The following RAP2A variants were observed in gnomAD, a reference collection of about 807,000 sequenced individuals.
RAP2A encodes the protein ras-related protein Rap-2a.
RAP2A carries 5 observed loss-of-function variants against 15.1 expected under a neutral mutation model. The ratio of observed to expected loss-of-function variants is 0.33; its 90% confidence interval spans 0.17 to 0.70. RAP2A has a LOEUF of 0.70. RAP2A is among the 30% of genes least tolerant of loss of function. The probability of loss-of-function intolerance (pLI) is 0.68; values close to 1 mark genes in which losing one functional copy is unlikely to be tolerated. For missense variants in RAP2A, 111 were observed against 240.3 expected, an observed-to-expected ratio of 0.46 and a Z score of 3.56; for synonymous variants, 110 against 99.7, an observed-to-expected ratio of 1.10 and a Z score of -0.62.
intron 1 of RAP2A, among the ~76,000 whole-genome samples, chr13:97,439,352 T>C (rs2066647107): frequency 6.6e-6 from 1 of 152,196 alleles, no homozygotes; most frequent in Non-Finnish European, 1.5e-5. Flanking sequence ...GTTGTGATAA[T>C]CCAGTTTTTA....
intron 1 of RAP2A, among the ~76,000 whole-genome samples, chr13:97,459,890 AG>A: frequency 6.6e-6 from 1 of 152,368 alleles, no homozygotes; most frequent in Admixed American, 6.5e-5. Flanking sequence ...GTAAGTGTCT[AG>A]AATAGTGGCT....
intron 1 of RAP2A, among the ~76,000 whole-genome samples, chr13:97,459,959 G>A (rs1278388170): frequency 6.6e-6 from 1 of 152,194 alleles, no homozygotes; most frequent in Non-Finnish European, 1.5e-5. Flanking sequence ...TGTATTGATT[G>A]TTCGATTGTT....
intron 1 of RAP2A, among the ~76,000 whole-genome samples, chr13:97,446,238 G>C (rs1312268869): frequency 6.6e-6 from 1 of 151,914 alleles, no homozygotes; most frequent in Admixed American, 6.6e-5. Context: ...AAATTTTATG[G>C]TCACTATAGA....
intron 1 of RAP2A, chr13:97,435,903 G>T (rs899826264): frequency 6.6e-6 from 1 of 152,076 alleles, no homozygotes; most frequent in Non-Finnish European, 1.5e-5. Context: ...TAAGTGCACC[G>T]TAGACACAGT....
rs138112390 is a variant in RAP2A at position 97,457,933 on chromosome 13, C to T, written c.315-6272C>T. Among the ~76,000 whole-genome samples, 19 of 152,162 alleles carry T rather than the reference C, an allele frequency of 1.2e-4. No homozygotes were observed. The East Asian group carries it at 2.7e-3, about 22-fold the overall frequency. ...TTCTACATTCTAAAGGGTAAAAGAA[C>T]TAGAATCTATGAGAAGAAGGGGCAG... On this transcript the variant is annotated intron_variant, in intron 1 of 1. Coordinates refer to ENST00000245304, the MANE Select transcript of RAP2A (RefSeq NM_021033.7).
In RAP2A at chr13:97,452,779, TA is replaced by T. The variant is rs755701057; in HGVS notation, c.315-11425del. ...TGCATCTTCCAGTAAGTAAATGTTA[TA>T]TATCTTTCATTTTATTTAGATATTT... On this transcript the variant is annotated intron_variant, in intron 1 of 1. Transcript: ENST00000245304. 3.2e-4 allele frequency among the ~76,000 whole-genome samples: 49 copies of T among 151,576 alleles called. 1 individual carries two copies. Among genetic ancestry groups the T allele is most frequent in the Admixed American group, 9.9e-4 (15 of 15,228 alleles).
rs1361701983 is a variant in RAP2A at position 97,467,829 on chromosome 13, C to T, written c.*3387C>T. The T allele has an allele frequency of 1.3e-5, 2 of 152,570 alleles. No individual in the cohort carries two copies. The highest frequency in any genetic ancestry group is 2.4e-5 in the African/African-American group (1 of 41,440). 9.5% of individuals were successfully genotyped at this position (152,570 alleles called of 1,614,324 possible). On this transcript the variant is annotated 3_prime_UTR_variant, in exon 2 of 2. Transcript: ENST00000245304. Reference sequence around the variant, plus strand: ...CACAGTTAATTGTTGCGCTCTAATACAACTGACCATTTAAAATTGAACAAG... The same window carrying T: ...CACAGTTAATTGTTGCGCTCTAATATAACTGACCATTTAAAATTGAACAAG...
chr13:97,466,949 TAAGAAC>T lies in RAP2A; in HGVS notation c.*2509_*2514del, dbSNP rs1173961656. 2 of 152,282 alleles carry T rather than the reference TAAGAAC, an allele frequency of 1.3e-5. No homozygotes were observed. Among genetic ancestry groups the T allele is most frequent in the African/African-American group, 4.8e-5 (2 of 41,456 alleles). The allele number at this position is 152,282 out of a possible 1,614,324, so 9.4% of individuals were successfully genotyped here. A position where few individuals can be genotyped will look rare whatever the true frequency, so the allele number is the denominator to read the frequency against. ...TGAGATATTACAGTAATAAAACACT[TAAGAAC>T]AGGAAGATTACATTTGTTGGCATAC... is the stretch of plus-strand genomic sequence containing the variant. On this transcript the variant is annotated 3_prime_UTR_variant, in exon 2 of 2. Coordinates refer to ENST00000245304, the MANE Select transcript of RAP2A (RefSeq NM_021033.7).
Position 97,468,974 on chromosome 13 carries a change from G to A in RAP2A, c.*4532G>A, listed in dbSNP as rs1395267504. 1 of 152,168 alleles carries A rather than the reference G, an allele frequency of 6.6e-6. No homozygotes were observed. Among genetic ancestry groups the A allele is most frequent in the African/African-American group, 2.4e-5 (1 of 41,454 alleles). 9.4% of individuals were successfully genotyped at this position (152,168 alleles called of 1,614,324 possible). On this transcript the variant is annotated 3_prime_UTR_variant, in exon 2 of 2. Transcript: ENST00000245304. ...GCAGAGAATATTACCACAAACTTCT[G>A]AAAGAAGCTGTTGACCTCGTTTCTT...
chr13:97,455,029 T>C (rs1052889740), intron 1 of RAP2A, among the ~76,000 whole-genome samples: 5 of 151,442 alleles, frequency 3.3e-5, no homozygotes, highest in Non-Finnish European at 2.9e-5. Flanking sequence ...CTTTGGCTGC[T>C]TTCAAGATTT....
Position 97,464,434 on chromosome 13 carries a change from A to G in RAP2A, c.544A>G (p.Ile182Val). The G allele has an allele frequency of 6.2e-7, 1 of 1,613,808 alleles. No homozygotes were observed. Among genetic ancestry groups the G allele is most frequent in the Non-Finnish European group, 8.5e-7 (1 of 1,179,652 alleles). Residue 182 changes from isoleucine (I) to valine (V), a missense_variant, in exon 2 of 2, where the codon ATA becomes GTA. Ile to Val is a conservative substitution (Grantham distance 29). This residue lies in a region of RAP2A where 74 missense variants were observed against 132.3 expected (regional missense o/e 0.56). Coordinates refer to ENST00000245304, the MANE Select transcript of RAP2A (RefSeq NM_021033.7). ...KDDPCCSACN[I>V]Q ...TGACCCATGCTGTTCTGCATGTAAC[A>G]TACAATAGCATCCAAATATGGCTGT...
intron 1 of RAP2A, among the ~76,000 whole-genome samples, chr13:97,455,332 C>T (rs2066718589): frequency 6.6e-6 from 1 of 151,372 alleles, no homozygotes; most frequent in South Asian, 2.1e-4. Flanking sequence ...GTTATAATTG[C>T]TTCTTTAAAG....
intron 1 of RAP2A, among the ~76,000 whole-genome samples, chr13:97,453,444 T>C (rs1246936200): frequency 1.3e-5 from 2 of 151,404 alleles, no homozygotes; most frequent in Non-Finnish European, 2.9e-5. Context: ...AATTTTGCCA[T>C]TTCAAGAAAG....
Position 97,434,795 on chromosome 13 carries a change from G to A in RAP2A, c.314+11G>A. 1 of 1,613,006 alleles carries A rather than the reference G, an allele frequency of 6.2e-7. No individual in the cohort carries two copies. The highest frequency in any genetic ancestry group is 8.5e-7 in the Non-Finnish European group (1 of 1,179,484). ...CATCCGCGTGAAGCGGTGAGCGAGG[G>A]CACACGGGGGCTTGGCGGCTGCACC... On this transcript the variant is annotated intron_variant, in intron 1 of 1. Coordinates refer to ENST00000245304, the MANE Select transcript of RAP2A (RefSeq NM_021033.7).
intron 1 of RAP2A, among the ~76,000 whole-genome samples, chr13:97,441,056 T>TTTC (rs1454239144): frequency 6.6e-6 from 1 of 152,142 alleles, no homozygotes; most frequent in African/African-American, 2.4e-5. Context: ...AGTATATAGT[T>TTTC]TTCTTTTTGC....
chr13:97,435,157 T>A (rs1471787131), intron 1 of RAP2A, among the ~76,000 whole-genome samples: 1 of 152,136 alleles, frequency 6.6e-6, no homozygotes, highest in African/African-American at 2.4e-5. Flanking sequence ...ACAACAACAA[T>A]CTGCCTTGGC....
Position 97,434,801 on chromosome 13 carries a change from G to C in RAP2A, c.314+17G>C. 6.2e-7 allele frequency: 1 copy of C among 1,612,578 alleles called. No individual in the cohort carries two copies. The highest frequency in any genetic ancestry group is 8.5e-7 in the Non-Finnish European group (1 of 1,179,256). ...CGTGAAGCGGTGAGCGAGGGCACAC[G>C]GGGGCTTGGCGGCTGCACCCCGGAG... On this transcript the variant is annotated intron_variant, in intron 1 of 1. Coordinates refer to ENST00000245304, the MANE Select transcript of RAP2A (RefSeq NM_021033.7).
chr13:97,441,571 C>T (rs2066657713), intron 1 of RAP2A, among the ~76,000 whole-genome samples: 1 of 152,002 alleles, frequency 6.6e-6, no homozygotes, highest in Non-Finnish European at 1.5e-5. Context: ...GTACACTGTA[C>T]TTAAGGGAAT....
At chr13:97,448,740 C>T (rs1417528670) in intron 1 of RAP2A, among the ~76,000 whole-genome samples, 8 of 152,154 alleles carry the variant, frequency 5.3e-5, no homozygotes, top group Non-Finnish European at 5.9e-5. Context: ...AACTCAGGTT[C>T]GCTCACTTGA....
Sources: allele counts gnomAD v4.1 joint callset (sites outside exome capture counted in the v4.1 genomes callset), GRCh38; gene constraint gnomAD v4.1.1; regional missense constraint gnomAD v4.1.1; transcripts MANE v1.5; gene names NCBI Gene and HGNC (gene_info 2026-07-23, HGNC 2026-07-21).